EDIL3: variants seen among roughly 807,000 people sequenced by gnomAD.
EDIL3 encodes the protein EGF like and discoidin domains 3, also known as EGF-like repeat and discoidin I-like domain-containing protein 3.
EDIL3 carries 37 observed loss-of-function variants against 67.4 expected under a neutral mutation model. That is an observed-to-expected ratio of 0.55 (90% CI 0.42 to 0.72). The LOEUF (loss-of-function observed/expected upper bound fraction) is 0.72. EDIL3 is among the 30% of genes least tolerant of loss of function. The pLI is 0.00. For missense variants in EDIL3, 527 were observed against 586.3 expected, an observed-to-expected ratio of 0.90 and a Z score of 1.04; for synonymous variants, 195 against 196.3, an observed-to-expected ratio of 0.99 and a Z score of 0.05.
rs1193471401 is a variant in EDIL3, at chr5:84,334,144, G to A, written c.67+50164C>T. On this transcript the variant is annotated intron_variant, in intron 1 of 10. Coordinates refer to ENST00000296591, the MANE Select transcript of EDIL3 (RefSeq NM_005711.5). ...TGCAGTGGTGCTATCTCGGCTCACT[G>A]CAACCTCTGCCTCCCGGGTTCAAGC... 5.3e-5 allele frequency among the ~76,000 whole-genome samples: 8 copies of A among 149,654 alleles called. No individual in the cohort carries two copies. The Middle Eastern group carries it at 0.01, about 196-fold the overall frequency.
chr5:83,976,570 T>G (rs1296521498), intron 9 of EDIL3, among the ~76,000 whole-genome samples: 2 of 151,818 alleles, frequency 1.3e-5, no homozygotes, highest in East Asian at 1.9e-4. Context: ...TCTATCAGAT[T>G]CTATGAAATT....
chr5:84,071,028 G>A (rs1007550517), intron 6 of EDIL3, among the ~76,000 whole-genome samples: 8 of 152,272 alleles, frequency 5.3e-5, no homozygotes, highest in Admixed American at 5.2e-4. Flanking sequence ...GAGAAGCAGT[G>A]GAAAAATGTG....
chr5:84,127,784 C>T (rs1189164265), intron 5 of EDIL3, among the ~76,000 whole-genome samples: 2 of 151,914 alleles, frequency 1.3e-5, no homozygotes, highest in African/African-American at 4.8e-5. Context: ...AAATTTTATC[C>T]TTAGCCATTT....
intron 1 of EDIL3, among the ~76,000 whole-genome samples, chr5:84,360,684 A>G (rs1747578651): frequency 6.6e-6 from 1 of 152,152 alleles, no homozygotes; most frequent in African/African-American, 2.4e-5. Flanking sequence ...AGAACCTGGT[A>G]TACATCCAAG....
intron 4 of EDIL3, among the ~76,000 whole-genome samples, chr5:84,138,206 C>T (rs1012660339): frequency 6.6e-6 from 1 of 152,200 alleles, no homozygotes; most frequent in Non-Finnish European, 1.5e-5. Flanking sequence ...CCATCTCTTC[C>T]TCATCCTATG....
chr5:84,300,933 T>TACACACACACAC (rs5869219), intron 1 of EDIL3, among the ~76,000 whole-genome samples: 1,498 of 149,692 alleles, frequency 0.01, 11 homozygotes, highest in Non-Finnish European at 0.016. Context: ...CACAGACACA[T>TACACACACACAC]ACACACACAC....
intron 1 of EDIL3, among the ~76,000 whole-genome samples, chr5:84,350,392 G>A (rs1159006123): frequency 6.6e-6 from 1 of 151,750 alleles, no homozygotes; most frequent in East Asian, 1.9e-4. Context: ...GATATATCTA[G>A]TAGTCACTTT....
At chr5:84,007,949 T>C (rs772558911) in intron 9 of EDIL3, among the ~76,000 whole-genome samples, 35 of 152,072 alleles carry the variant, frequency 2.3e-4, no homozygotes, top group Non-Finnish European at 3.5e-4. Flanking sequence ...CATTCAGCCA[T>C]AAAAAATGGA....
intron 9 of EDIL3, among the ~76,000 whole-genome samples, chr5:84,036,084 C>G (rs540304735): frequency 6.6e-6 from 1 of 152,158 alleles, no homozygotes; most frequent in African/African-American, 2.4e-5. Flanking sequence ...GATAGTGTAA[C>G]AAAATCATTG....
At chr5:84,029,673 G>A (rs67344025) in intron 9 of EDIL3, among the ~76,000 whole-genome samples, 28,753 of 152,016 alleles carry the variant, frequency 0.19, 3,029 homozygotes, top group Admixed American at 0.24. Flanking sequence ...AAGATTAAGC[G>A]GATAATACTG....
intron 3 of EDIL3, among the ~76,000 whole-genome samples, chr5:84,195,921 T>C (rs1281519159): frequency 6.6e-6 from 1 of 151,932 alleles, no homozygotes; most frequent in Non-Finnish European, 1.5e-5. Context: ...TTACCTCTTT[T>C]CACAGGAGCT....
chr5:83,969,143 T>C (rs552541267), intron 9 of EDIL3, among the ~76,000 whole-genome samples: 2 of 151,878 alleles, frequency 1.3e-5, no homozygotes, highest in East Asian at 1.9e-4. Context: ...AATTATGTTA[T>C]TAAAATATTT....
intron 5 of EDIL3, among the ~76,000 whole-genome samples, chr5:84,135,990 G>A (rs140432875): frequency 3.9e-4 from 59 of 151,530 alleles, no homozygotes; most frequent in African/African-American, 1.2e-3. Context: ...TAAATACCAT[G>A]GCCAAAGAGA....
rs146641409 is a variant in EDIL3, at chr5:83,963,531, T to A, written c.1138-171A>T. On this transcript the variant is annotated intron_variant, in intron 9 of 10. Transcript: ENST00000296591. ...CTATTATTGGCTTATAATTTTGATATTGCCACTGGGTTAATGTAGTGCAAG... is the reference window on the plus strand; with the variant it reads ...CTATTATTGGCTTATAATTTTGATAATGCCACTGGGTTAATGTAGTGCAAG... Among the ~76,000 whole-genome samples the A allele has an allele frequency of 9.0e-3, 1,363 of 151,922 alleles. 19 individuals are homozygous for A. Among genetic ancestry groups the A allele is most frequent in the African/African-American group, 0.031 (1,282 of 41,530 alleles).
intron 1 of EDIL3, among the ~76,000 whole-genome samples, chr5:84,262,659 G>GTTTTTTTTTGTTTTTTTTTT: frequency 2.2e-5 from 1 of 46,308 alleles, no homozygotes; most frequent in Non-Finnish European, 3.6e-5. Context: ...AGGTTGGTTG[G>GTTTTTTTTTGTTTTTTTTTT]TTTTTTTTTT....
intron 9 of EDIL3, among the ~76,000 whole-genome samples, chr5:83,983,617 T>C (rs890162405): frequency 2.0e-5 from 3 of 152,012 alleles, no homozygotes; most frequent in African/African-American, 7.2e-5. Flanking sequence ...AAGATAAAAC[T>C]TAATGAGAAT....
At chr5:84,310,760 A>G (rs2112142030) in intron 1 of EDIL3, among the ~76,000 whole-genome samples, 1 of 152,306 alleles carries the variant, frequency 6.6e-6, no homozygotes, top group East Asian at 1.9e-4. Context: ...ACATACAGTA[A>G]AGTACACAAG....
chr5:84,179,934 A>AT (rs1037212656), intron 4 of EDIL3, among the ~76,000 whole-genome samples: 1 of 152,008 alleles, frequency 6.6e-6, no homozygotes, highest in African/African-American at 2.4e-5. Context: ...GCTTTCAAAG[A>AT]TTTTCACACT....
intron 9 of EDIL3, among the ~76,000 whole-genome samples, chr5:83,970,138 T>A (rs1285325916): frequency 1.3e-5 from 2 of 151,532 alleles, no homozygotes; most frequent in Non-Finnish European, 3.0e-5. Context: ...TGAGAACACG[T>A]GTGCTTAACT....
Sources: allele counts gnomAD v4.1 joint callset (sites outside exome capture counted in the v4.1 genomes callset), GRCh38; gene constraint gnomAD v4.1.1; transcripts MANE v1.5; gene names NCBI Gene and HGNC (gene_info 2026-07-23, HGNC 2026-07-21).